Variants in WDR82 observed in about 807,000 individuals in gnomAD.
WDR82 encodes the protein WD repeat domain 82, also known as WD repeat-containing protein 82.
A neutral mutation model predicts 36.1 loss-of-function variants in WDR82; 8 were observed. That is an observed-to-expected ratio of 0.22 (90% confidence interval 0.13 to 0.40). The LOEUF (loss-of-function observed/expected upper bound fraction) is 0.40. WDR82 is among the 10% of genes least tolerant of loss of function. WDR82 has a pLI of 1.00. For synonymous variants in WDR82, 129 were observed against 137.8 expected (o/e 0.94, Z 0.45); for missense variants, 185 against 400.5 (o/e 0.46, Z 4.59).
chr3:52,260,270 A>C (rs1169062285), intron 5 of WDR82, 115 bp downstream of exon 5: 1 of 669,652 alleles, frequency 1.5e-6, no homozygotes, highest in Non-Finnish European at 2.4e-6. Context: ...CAGAGGTTGC[A>C]GTGAGCTGAG....
rs1451824002 is a variant in WDR82 at position 52,254,446 on chromosome 3, C to T, written c.*3044G>A. ...TGCAGCCATAAAATTCTGTTTAAGA[C>T]TGTAACATGGAAAAAATGTTTATAC... On this transcript the variant is annotated 3_prime_UTR_variant, in exon 9 of 9. Coordinates refer to ENST00000296490, the MANE Select transcript of WDR82 (RefSeq NM_025222.4). The T allele has an allele frequency of 6.6e-6, 1 of 152,618 alleles. No individual in the cohort carries two copies. The allele number at this position is 152,618 out of a possible 1,614,324, so 9.5% of individuals were successfully genotyped here.
Position 52,257,221 on chromosome 3 carries a change from C to G in WDR82, c.*269G>C. The G allele has an allele frequency of 1.9e-6, 1 of 528,586 alleles. No homozygotes were observed. Among genetic ancestry groups the G allele is most frequent in the South Asian group, 2.4e-5 (1 of 41,562 alleles). 32.7% of individuals were successfully genotyped at this position (528,586 alleles called of 1,614,324 possible). A position where few individuals can be genotyped will look rare whatever the true frequency, so the allele number is the denominator to read the frequency against. ...AGCCCCACTATACCAAATCGTGAGT[C>G]TGGTCACTCCTCCAGCAGAGCTTGG... On this transcript the variant is annotated 3_prime_UTR_variant, in exon 9 of 9. Transcript: ENST00000296490.
intron 2 of WDR82, among the ~76,000 whole-genome samples, chr3:52,269,936 C>CA (rs1559455426): frequency 6.6e-6 from 1 of 152,018 alleles, no homozygotes; most frequent in African/African-American, 2.4e-5. Context: ...CTCTTTAGAT[C>CA]AAAAAACGTT....
Position 52,278,287 on chromosome 3 carries a change from G to T in WDR82, c.75C>A (p.Asn25Lys). 6.2e-7 allele frequency: 1 copy of T among 1,610,452 alleles called. No individual in the cohort carries two copies. The highest frequency in any genetic ancestry group is 8.5e-7 in the Non-Finnish European group (1 of 1,178,784). The change falls in exon 1 of 9, where the codon AAC becomes AAA. Residue 25 changes from asparagine (N) to lysine (K), a missense_variant. By Grantham distance (94) the Asn-to-Lys change is moderately conservative. This residue lies in a region of WDR82 where 49 missense variants were observed against 80.6 expected (regional missense o/e 0.61). Coordinates refer to ENST00000296490, the MANE Select transcript of WDR82 (RefSeq NM_025222.4). ...CGCCGTTGGGGCTGAAATCGAAGCAGTTAATCTTGTCCGAGTTTTCGCGGA... is the reference window on the plus strand; with the variant it reads ...CGCCGTTGGGGCTGAAATCGAAGCATTTAATCTTGTCCGAGTTTTCGCGGA... ...KVFRENSDKI[N>K]CFDFSPNGET...
At position 52,278,523 on chromosome 3, in the gene WDR82, G is replaced by C. The variant is rs1023060737; in HGVS notation, c.-162C>G. 5 of 553,750 alleles carry C rather than the reference G, an allele frequency of 9.0e-6. No individual in the cohort carries two copies. The highest frequency in any genetic ancestry group is 1.4e-5 in the Non-Finnish European group (5 of 368,980). 34.3% of individuals were successfully genotyped at this position (553,750 alleles called of 1,614,324 possible). A position where few individuals can be genotyped will look rare whatever the true frequency, so the allele number is the denominator to read the frequency against. On this transcript the variant is annotated 5_prime_UTR_variant, in exon 1 of 9. Transcript: ENST00000296490. ...CCGCCTCCTCCTCTTCTTCCTGCTT[G>C]GTCGAGGGTCTTCTGCCTGGACTGT... is the stretch of plus-strand genomic sequence containing the variant.
At chr3:52,262,120 T>C (rs769073706) in intron 3 of WDR82, among the ~76,000 whole-genome samples, 17 of 152,346 alleles carry the variant, frequency 1.1e-4, no homozygotes, top group Middle Eastern at 3.4e-3. Context: ...GGAGGAACCT[T>C]GGGAACACCA....
chr3:52,277,678 C>T (rs921197036), intron 1 of WDR82, among the ~76,000 whole-genome samples: 12 of 152,236 alleles, frequency 7.9e-5, no homozygotes, highest in Non-Finnish European at 1.6e-4. Context: ...AGAAGTGCAA[C>T]CCACGCGGTC....
chr3:52,263,694 AAG>A (rs1338130287), intron 3 of WDR82, among the ~76,000 whole-genome samples: 1 of 152,258 alleles, frequency 6.6e-6, no homozygotes, highest in Non-Finnish European at 1.5e-5. Context: ...GCAGGGGAAA[AAG>A]AGTGAACTAA....
intron 1 of WDR82, among the ~76,000 whole-genome samples, chr3:52,277,744 GC>G: frequency 6.6e-6 from 1 of 152,362 alleles, no homozygotes; most frequent in Non-Finnish European, 1.5e-5. Flanking sequence ...GAGTGCCAGG[GC>G]GGAATCGAGG....
chr3:52,259,578 T>C (rs763129020), intron 6 of WDR82, 139 bp downstream of exon 6: 3 of 1,101,892 alleles, frequency 2.7e-6, no homozygotes, highest in East Asian at 2.4e-5. Context: ...GGTAAGTTCA[T>C]GAGCAGGAAG....
chr3:52,259,770 T>C lies in WDR82; in HGVS notation c.646A>G (p.Ser216Gly), dbSNP rs1178756376. The C allele has an allele frequency of 6.2e-7, 1 of 1,614,140 alleles. No homozygotes were observed. The highest frequency in any genetic ancestry group is 2.2e-5 in the East Asian group (1 of 44,890). Residue 216 changes from serine (S) to glycine (G), a missense_variant, in exon 6 of 9, where the codon AGC becomes GGC. Ser to Gly is a moderately conservative substitution (Grantham distance 56). Coordinates refer to ENST00000296490, the MANE Select transcript of WDR82 (RefSeq NM_025222.4). ...AATGCATCAATCAGACGAATGAAGC[T>C]GCCGTTGGTGGAAATGAGGATGAGC... is the stretch of plus-strand genomic sequence containing the variant. ...GKLILISTNGSFIRLIDAFKG... is the reference protein window; with the variant it reads ...GKLILISTNGGFIRLIDAFKG...
chr3:52,268,954 A>C (rs1700129559), intron 2 of WDR82, among the ~76,000 whole-genome samples: 1 of 152,064 alleles, frequency 6.6e-6, no homozygotes, highest in Non-Finnish European at 1.5e-5. Flanking sequence ...GGCTGGGACT[A>C]CAGGCGCGTC....
chr3:52,270,173 G>A (rs919642967), intron 2 of WDR82, among the ~76,000 whole-genome samples: 2 of 152,198 alleles, frequency 1.3e-5, no homozygotes, highest in East Asian at 1.9e-4. Context: ...AGGCTGGAGT[G>A]CAATGGCGTG....
At position 52,278,445 on chromosome 3, in the gene WDR82, A is replaced by G. The variant is rs1446413018; in HGVS notation, c.-84T>C. 1.1e-5 allele frequency: 12 copies of G among 1,137,304 alleles called. No individual in the cohort carries two copies. In the East Asian group the frequency reaches 3.1e-4, roughly 29 times the overall value. 70.5% of individuals were successfully genotyped at this position (1,137,304 alleles called of 1,614,324 possible). A position where few individuals can be genotyped will look rare whatever the true frequency, so the allele number is the denominator to read the frequency against. On this transcript the variant is annotated 5_prime_UTR_variant, in exon 1 of 9. Coordinates refer to ENST00000296490, the MANE Select transcript of WDR82 (RefSeq NM_025222.4). ...GGGCGGGCTGCCGAGGGGCCAACCC[A>G]GGCGGGGCGGGCGCCGCGCCGGCGG...
At chr3:52,265,299 CAAAAAAAAAAAAAAAAAA>C (rs869189597) in intron 3 of WDR82, among the ~76,000 whole-genome samples, 7 of 43,782 alleles carry the variant, frequency 1.6e-4, no homozygotes, top group African/African-American at 2.8e-4. Context: ...GACTCTGTCT[CAAAAAAAAAAAAAAAAAA>C]AAAAAAAAAA....
intron 1 of WDR82, among the ~76,000 whole-genome samples, chr3:52,274,796 G>A (rs1166058268): frequency 1.3e-5 from 2 of 152,096 alleles, no homozygotes; most frequent in Non-Finnish European, 2.9e-5. Flanking sequence ...CAGCTACTCG[G>A]GAGGCTGAGG....
At chr3:52,273,837 G>T (rs1411063321) in intron 1 of WDR82, among the ~76,000 whole-genome samples, 1 of 152,092 alleles carries the variant, frequency 6.6e-6, no homozygotes, top group East Asian at 1.9e-4. Flanking sequence ...TGTCCAGGCT[G>T]GTTTTGAACT....
At chr3:52,266,333 C>G (rs1402336774) in intron 3 of WDR82, among the ~76,000 whole-genome samples, 1 of 151,920 alleles carries the variant, frequency 6.6e-6, no homozygotes, top group Admixed American at 6.6e-5. Flanking sequence ...TAAGTTTTCA[C>G]TGAATATCTT....
rs1401782452 is a variant in WDR82, at chr3:52,275,019, C to T, written c.161+3182G>A. Among the ~76,000 whole-genome samples the T allele has an allele frequency of 2.0e-5, 3 of 152,052 alleles. No individual in the cohort carries two copies. In the South Asian group the frequency reaches 6.2e-4, roughly 32 times the overall value. On this transcript the variant is annotated intron_variant, in intron 1 of 8. Transcript: ENST00000296490. ...GGCGGATCACCTGAGGTCGGGAATTCGAGACCAGCCTGACCAACATGGAGA... is the reference window on the plus strand; with the variant it reads ...GGCGGATCACCTGAGGTCGGGAATTTGAGACCAGCCTGACCAACATGGAGA...
Sources: gnomAD v4.1 joint callset for allele counts (sites outside exome capture counted in the v4.1 genomes callset) on GRCh38, gnomAD v4.1.1 for gene constraint, gnomAD v4.1.1 regional missense constraint, MANE v1.5 for transcripts, NCBI Gene and HGNC (gene_info 2026-07-23, HGNC 2026-07-21) for gene names.